NTPCR: variants seen among roughly 807,000 people sequenced by gnomAD.
The protein encoded by NTPCR is cancer-related nucleoside-triphosphatase.
A neutral mutation model predicts 19.5 loss-of-function variants in NTPCR; 15 were observed. The observed-to-expected ratio is 0.77, with a 90% CI of 0.51 to 1.18. NTPCR has a LOEUF of 1.18. NTPCR is among the 50% of genes most tolerant of loss of function. NTPCR has a pLI of 0.00. For missense variants in NTPCR, 206 were observed against 240.4 expected (o/e 0.86, Z 0.95); for synonymous variants, 90 against 95.8 (o/e 0.94, Z 0.36).
rs943244818 is a variant in NTPCR, at chr1:232,978,430, T to G, written c.*199T>G. 11 of 520,980 alleles carry G rather than the reference T, an allele frequency of 2.1e-5. No individual in the cohort carries two copies. The highest frequency in any genetic ancestry group is 3.1e-5 in the Non-Finnish European group (9 of 292,402). The allele number at this position is 520,980 out of a possible 1,614,324, so 32.3% of individuals were successfully genotyped here. ...GCTGGATTGTCTGTACAAGATTAAC[T>G]ATCCATTGTGGCTTATCTATGCTTA... On this transcript the variant is annotated 3_prime_UTR_variant, in exon 5 of 5. Transcript: ENST00000366628.
Position 232,955,695 on chromosome 1 carries a change from C to G in NTPCR, c.173C>G (p.Thr58Ser). Residue 58 changes from threonine (T) to serine (S), a missense_variant, in exon 2 of 5, where the codon ACC (threonine) becomes AGC (serine). Thr to Ser is a moderately conservative substitution (Grantham distance 58). Coordinates refer to ENST00000366628, the MANE Select transcript of NTPCR (RefSeq NM_032324.3). ...IGFDVVTLSG[T>S]RGPLSRVGLE... ...TTCGATGTCGTCACGTTGTCCGGCA[C>G]CCGGGGGCCTTTATCGAGAGTTGGG... is the stretch of plus-strand genomic sequence containing the variant. 2 of 1,613,882 alleles carry G rather than the reference C, an allele frequency of 1.2e-6. No homozygotes were observed. Among genetic ancestry groups the G allele is most frequent in the Non-Finnish European group, 1.7e-6 (2 of 1,179,932 alleles).
chr1:232,971,726 A>C (rs1343383597), intron 4 of NTPCR, among the ~76,000 whole-genome samples: 1 of 152,224 alleles, frequency 6.6e-6, no homozygotes, highest in Non-Finnish European at 1.5e-5. Context: ...TGATAAAGGC[A>C]AAAATAAAGA....
At chr1:232,958,111 GT>G (rs1668563100) in intron 3 of NTPCR, among the ~76,000 whole-genome samples, 1 of 152,182 alleles carries the variant, frequency 6.6e-6, no homozygotes. Flanking sequence ...AGGAATGTGA[GT>G]GTCATTTAAT....
intron 4 of NTPCR, chr1:232,976,764 T>C: frequency 2.1e-6 from 1 of 472,350 alleles, no homozygotes. Flanking sequence ...CCAGTAGAAA[T>C]GGGATCACGG....
At position 232,950,759 on chromosome 1, in the gene NTPCR, A is replaced by AT; in HGVS notation, c.34+16dup. On this transcript the variant is annotated intron_variant, in intron 1 of 4. Transcript: ENST00000366628. ...GGGGCCCCCAGGTAACCCTGAGGGG[A>AT]TCCCCACCTCCAAGAGGTCGAGGGG... 6.3e-7 allele frequency: 1 copy of AT among 1,582,620 alleles called. No individual in the cohort carries two copies. Among genetic ancestry groups the AT allele is most frequent in the Non-Finnish European group, 8.6e-7 (1 of 1,161,116 alleles).
At chr1:232,956,728 T>A (rs1039580233) in intron 3 of NTPCR, among the ~76,000 whole-genome samples, 2 of 152,200 alleles carry the variant, frequency 1.3e-5, no homozygotes, top group African/African-American at 4.8e-5. Context: ...CTTCTCACAG[T>A]CATGTCTTAA....
At chr1:232,976,401 T>A (rs1275000325) in intron 4 of NTPCR, 2 of 1,550,514 alleles carry the variant, frequency 1.3e-6, no homozygotes, top group Non-Finnish European at 1.7e-6. Context: ...CACAGTCCAC[T>A]CTCACAGAGC....
chr1:232,952,191 A>C (rs916756807), intron 1 of NTPCR, among the ~76,000 whole-genome samples: 3 of 152,162 alleles, frequency 2.0e-5, no homozygotes, highest in Non-Finnish European at 4.4e-5. Flanking sequence ...GCCACATAGT[A>C]ATCTATGATT....
rs750369530 is a variant in NTPCR at position 232,976,408 on chromosome 1, G to C, written c.505-1755G>C. ...CTGTGTATCACAGTCCACTCTCACA[G>C]AGCCTGGCTGGAGGCAGAAGCTACT... On this transcript the variant is annotated intron_variant, in intron 4 of 4. Transcript: ENST00000366628. 36 of 1,550,444 alleles carry C rather than the reference G, an allele frequency of 2.3e-5. No homozygotes were observed. In the South Asian group the frequency reaches 4.0e-4, roughly 17 times the overall value.
intron 3 of NTPCR, among the ~76,000 whole-genome samples, chr1:232,961,277 G>C (rs1484542421): frequency 6.6e-6 from 1 of 152,216 alleles, no homozygotes; most frequent in Admixed American, 6.5e-5. Flanking sequence ...TTGTTTCCCT[G>C]GGGAGGGTCT....
In NTPCR at chr1:232,950,691, C is replaced by T; in HGVS notation, c.-20C>T. Reference sequence around the variant, plus strand: ...CCTGGACTGCTCCCCTGACCGCAACCCCTACCCCCGCCCACCAGTATGGCC... The same window carrying T: ...CCTGGACTGCTCCCCTGACCGCAACTCCTACCCCCGCCCACCAGTATGGCC... On this transcript the variant is annotated 5_prime_UTR_variant, in exon 1 of 5. Transcript: ENST00000366628. 2.5e-6 allele frequency: 4 copies of T among 1,605,048 alleles called. No homozygotes were observed. The highest frequency in any genetic ancestry group is 2.3e-5 in the East Asian group (1 of 44,442).
rs1367740959 is a variant in NTPCR, at chr1:232,980,586, C to A, written c.*2355C>A. The A allele has an allele frequency of 6.6e-6, 1 of 152,090 alleles. No homozygotes were observed. Among genetic ancestry groups the A allele is most frequent in the African/African-American group, 2.4e-5 (1 of 41,386 alleles). The allele number at this position is 152,090 out of a possible 1,614,324, so 9.4% of individuals were successfully genotyped here. A position where few individuals can be genotyped will look rare whatever the true frequency, so the allele number is the denominator to read the frequency against. On this transcript the variant is annotated 3_prime_UTR_variant, in exon 5 of 5. Transcript: ENST00000366628. The stretch of plus-strand genomic sequence containing the variant: ...TTAGTCAAACAGAATGATCATGGAG[C>A]ATGTATGGAGATGTCAGATGCAATC...
Position 232,950,755 on chromosome 1 carries a change from G to C in NTPCR, c.34+11G>C. 1 of 1,590,316 alleles carries C rather than the reference G, an allele frequency of 6.3e-7. No homozygotes were observed. Among genetic ancestry groups the C allele is most frequent in the South Asian group, 1.1e-5 (1 of 89,100 alleles). On this transcript the variant is annotated intron_variant, in intron 1 of 4. Coordinates refer to ENST00000366628, the MANE Select transcript of NTPCR (RefSeq NM_032324.3). ...TAACGGGGCCCCCAGGTAACCCTGA[G>C]GGGATCCCCACCTCCAAGAGGTCGA...
intron 3 of NTPCR, chr1:232,967,038 C>T (rs918211047): frequency 2.6e-5 from 4 of 152,236 alleles, no homozygotes; most frequent in Non-Finnish European, 4.4e-5. Flanking sequence ...TTAGGACTCT[C>T]CTCACACTGG....
intron 1 of NTPCR, among the ~76,000 whole-genome samples, chr1:232,951,487 G>C (rs1157559381): frequency 6.6e-6 from 1 of 152,036 alleles, no homozygotes; most frequent in African/African-American, 2.4e-5. Flanking sequence ...AAACCAAGGC[G>C]CTACCCATGT....
At chr1:232,951,492 C>A (rs1003692545) in intron 1 of NTPCR, among the ~76,000 whole-genome samples, 1 of 152,040 alleles carries the variant, frequency 6.6e-6, no homozygotes, top group Non-Finnish European at 1.5e-5. Flanking sequence ...AAGGCGCTAC[C>A]CATGTATCAA....
Position 232,981,668 on chromosome 1 carries a change from A to G in NTPCR, c.*3437A>G, listed in dbSNP as rs1408775243. 4 of 151,894 alleles carry G rather than the reference A, an allele frequency of 2.6e-5. No homozygotes were observed. Among genetic ancestry groups the G allele is most frequent in the Non-Finnish European group, 4.4e-5 (3 of 67,994 alleles). 9.4% of individuals were successfully genotyped at this position (151,894 alleles called of 1,614,324 possible). ...TATAAAACCAAGTGCTATGGTTTTA[A>G]TATTATCTTTAGAGGAGAAACCATT... On this transcript the variant is annotated 3_prime_UTR_variant, in exon 5 of 5. Coordinates refer to ENST00000366628, the MANE Select transcript of NTPCR (RefSeq NM_032324.3).
chr1:232,951,224 CTT>C (rs1429068850), intron 1 of NTPCR: 1 of 153,244 alleles, frequency 6.5e-6, no homozygotes, highest in Non-Finnish European at 1.5e-5. Context: ...AAGTTGTAAC[CTT>C]TCTTTCCCAT....
intron 1 of NTPCR, among the ~76,000 whole-genome samples, chr1:232,952,714 A>G (rs1668405731): frequency 1.3e-5 from 2 of 149,988 alleles, no homozygotes; most frequent in Admixed American, 1.3e-4. Flanking sequence ...TTTTTTCCCC[A>G]TTAGGAGTTA....
Sources: allele counts gnomAD v4.1 joint callset (sites outside exome capture counted in the v4.1 genomes callset), GRCh38; gene constraint gnomAD v4.1.1; transcripts MANE v1.5; gene names NCBI Gene and HGNC (gene_info 2026-07-23, HGNC 2026-07-21).